Variants in PLBD2 observed in about 807,000 individuals in gnomAD.
The protein encoded by PLBD2 is putative aminopeptidase PLBD2.
In PLBD2, 51 loss-of-function variants were observed where a neutral mutation model predicts 68.3. The ratio of observed to expected loss-of-function variants is 0.75; its 90% CI spans 0.60 to 0.94. The LOEUF (loss-of-function observed/expected upper bound fraction) is 0.94. PLBD2 is among the 40% of genes least tolerant of loss of function. The pLI, the probability that PLBD2 is intolerant of heterozygous loss-of-function variation, is 0.00. For synonymous variants in PLBD2, 314 were observed against 339.3 expected, an observed-to-expected ratio of 0.93 and a Z score of 0.82; for missense variants, 729 against 792.2, an observed-to-expected ratio of 0.92 and a Z score of 0.96.
intron 1 of PLBD2, among the ~76,000 whole-genome samples, chr12:113,364,085 C>G (rs769775486): frequency 6.6e-6 from 1 of 152,194 alleles, no homozygotes; most frequent in Admixed American, 6.5e-5. Flanking sequence ...CGGGAAGGCC[C>G]GTCTTTTCTG....
chr12:113,384,183 T>A lies in PLBD2; in HGVS notation c.1036T>A (p.Trp346Arg), dbSNP rs1179428755. The A allele has an allele frequency of 6.2e-7, 1 of 1,613,276 alleles. No homozygotes were observed. The highest frequency in any genetic ancestry group is 8.5e-7 in the Non-Finnish European group (1 of 1,179,728). Residue 346 changes from tryptophan to arginine, a missense_variant, in exon 7 of 12, where the codon TGG becomes AGG. By Grantham distance (101) the Trp-to-Arg change is moderately radical (BLOSUM62 -3). Coordinates refer to ENST00000280800, the MANE Select transcript of PLBD2 (RefSeq NM_173542.4). The surrounding 1 kb of genome is among the most constrained non-coding windows in gnomAD (Gnocchi z 4.2). ...GCGGCCCAGGGGCTGTGTGCTGGAG[T>A]GGGTACGCAACATCGTGGCCAACCG... is the stretch of plus-strand genomic sequence containing the variant. ...YVRPRGCVLE[W>R]VRNIVANRLA...
intron 2 of PLBD2, among the ~76,000 whole-genome samples, chr12:113,371,720 A>T (rs1315691239): frequency 6.6e-6 from 1 of 152,236 alleles, no homozygotes; most frequent in Non-Finnish European, 1.5e-5. Context: ...CCCTGAGGGA[A>T]GCATGTGCAC....
In PLBD2 at chr12:113,372,633, A is replaced by AC; in HGVS notation, c.385-11dup. 1.9e-6 allele frequency: 3 copies of AC among 1,538,994 alleles called. No individual in the cohort carries two copies. The highest frequency in any genetic ancestry group is 2.7e-6 in the Non-Finnish European group (3 of 1,128,874). On this transcript the variant is annotated splice_polypyrimidine_tract_variant and intron_variant, in intron 2 of 11. Transcript: ENST00000280800. This position sits in a 1 kb window ranked among gnomAD's most constrained non-coding sequence, Gnocchi z 4.2. ...CCAGCTGCCCGCCCTTGCCTCGCCC[A>AC]CCCCCTACCCCACAGCTCATCTACA... is the stretch of plus-strand genomic sequence containing the variant.
Position 113,375,186 on chromosome 12 carries a change from C to T in PLBD2, c.859+179C>T, listed in dbSNP as rs144175549. ...TTTGAGTTGGGGTCTTGCTCTGTTG[C>T]CCAGGCTGGAGTACAGTGGCACAGT... On this transcript the variant is annotated intron_variant, in intron 5 of 11. Coordinates refer to ENST00000280800, the MANE Select transcript of PLBD2 (RefSeq NM_173542.4). 1,359 of 629,792 alleles carry T rather than the reference C, an allele frequency of 2.2e-3. 4 individuals are homozygous for T. Among genetic ancestry groups the T allele is most frequent in the Non-Finnish European group, 3.3e-3 (1,187 of 363,174 alleles). The allele number at this position is 629,792 out of a possible 1,614,324, so 39.0% of individuals were successfully genotyped here.
chr12:113,385,035 A>C (rs1565864944), intron 8 of PLBD2, 89 bp downstream of exon 8: 1 of 1,393,340 alleles, frequency 7.2e-7, no homozygotes, highest in Non-Finnish European at 1.0e-6. Flanking sequence ...CTGTGCAGGA[A>C]GTGAACGATC....
Position 113,384,109 on chromosome 12 carries a change from C to A in PLBD2, c.962C>A (p.Thr321Lys). The change falls in exon 7 of 12, where the codon ACA becomes AAA. Residue 321 changes from threonine (T) to lysine (K), a missense_variant. Transcript: ENST00000280800. The surrounding 1 kb of genome is among the most constrained non-coding windows in gnomAD (Gnocchi z 4.2). ...DFYILGSGLV[T>K]LETTIGNKNP... is the part of the protein sequence containing the mutation. ...GCCCCCTTGACCTTCCCACAGGTGA[C>A]ACTGGAGACCACCATTGGCAACAAG... 6.2e-7 allele frequency: 1 copy of A among 1,606,634 alleles called. No homozygotes were observed. The highest frequency in any genetic ancestry group is 8.5e-7 in the Non-Finnish European group (1 of 1,175,458).
At position 113,388,557 on chromosome 12, in the gene PLBD2, C is replaced by T. The variant is rs148130303; in HGVS notation, c.1701C>T (p.Phe567=). 1.1e-5 allele frequency: 18 copies of T among 1,611,344 alleles called. No homozygotes were observed. In the African/African-American group the frequency reaches 1.5e-4, roughly 13 times the overall value. ...CGTTCCAGTGGAGCACCTCGCCCTT[C>T]AGCGGCCTGCTGCACATGGGCCAGC... ...VPPFQWSTSP[F]SGLLHMGQPD... is the part of the protein sequence containing the mutation. Residue 567 remains phenylalanine (F), a synonymous_variant, in exon 12 of 12, where the codon TTC becomes TTT. Transcript: ENST00000280800.
chr12:113,387,045 C>T lies in PLBD2; in HGVS notation c.1395C>T (p.Asn465=). 1 of 1,611,106 alleles carries T rather than the reference C, an allele frequency of 6.2e-7. No homozygotes were observed. The highest frequency in any genetic ancestry group is 8.5e-7 in the Non-Finnish European group (1 of 1,178,758). ...GSPRAQIFRR[N]QSLVQDMDSM... is the part of the protein sequence containing the mutation. Reference sequence around the variant, plus strand: ...CCCGGGCCCAGATCTTCCGGCGGAACCAGTCACTGGTACAAGACATGGACT... The same window carrying T: ...CCCGGGCCCAGATCTTCCGGCGGAATCAGTCACTGGTACAAGACATGGACT... The change falls in exon 10 of 12, where the codon AAC becomes AAT. Residue 465 remains asparagine, a synonymous_variant. Transcript: ENST00000280800.
At chr12:113,374,017 T>A (rs1318526489) in intron 3 of PLBD2, among the ~76,000 whole-genome samples, 1 of 152,098 alleles carries the variant, frequency 6.6e-6, no homozygotes, top group East Asian at 1.9e-4. Context: ...CCAGTGTGCC[T>A]GCCCAAGGCC....
At chr12:113,363,651 C>T (rs745383098) in intron 1 of PLBD2, among the ~76,000 whole-genome samples, 4 of 151,238 alleles carry the variant, frequency 2.6e-5, no homozygotes, top group Non-Finnish European at 5.9e-5. Context: ...CATTCTCCTG[C>T]CTCAGCCTCC....
chr12:113,369,463 A>T (rs1593281577), intron 2 of PLBD2, among the ~76,000 whole-genome samples: 1 of 152,220 alleles, frequency 6.6e-6, no homozygotes, highest in South Asian at 2.1e-4. Flanking sequence ...GCAAAATAGT[A>T]TGTTGTTCAG....
intron 1 of PLBD2, among the ~76,000 whole-genome samples, chr12:113,360,026 C>G (rs746446380): frequency 3.3e-5 from 5 of 152,210 alleles, no homozygotes; most frequent in Admixed American, 6.5e-5. Context: ...GGCCTCCTCC[C>G]ACTTTAGCCC....
At chr12:113,382,921 G>C (rs1957510249) in intron 6 of PLBD2, among the ~76,000 whole-genome samples, 1 of 145,460 alleles carries the variant, frequency 6.9e-6, no homozygotes, top group South Asian at 2.2e-4. Flanking sequence ...GCCCAGGCTG[G>C]AGTGCAGTGG....
At chr12:113,360,941 A>T (rs1957287335) in intron 1 of PLBD2, among the ~76,000 whole-genome samples, 1 of 152,048 alleles carries the variant, frequency 6.6e-6, no homozygotes, top group Admixed American at 6.5e-5. Flanking sequence ...ACCCTCTCTC[A>T]TCCCCTCCTC....
At chr12:113,388,350 G>T in intron 11 of PLBD2, 109 bp from the exon 12 acceptor site, 4 of 1,053,114 alleles carry the variant, frequency 3.8e-6, no homozygotes, top group Non-Finnish European at 5.2e-6. Flanking sequence ...AAAAAAAAAA[G>T]TGACAGTTCA....
intron 5 of PLBD2, chr12:113,377,071 A>C (rs896321146): frequency 1.3e-5 from 2 of 152,188 alleles, no homozygotes; most frequent in African/African-American, 4.8e-5. Flanking sequence ...GCATCTAATA[A>C]AATTCAAAAT....
intron 5 of PLBD2, 115 bp downstream of exon 5, chr12:113,375,122 G>A: frequency 1.1e-6 from 1 of 939,316 alleles, no homozygotes; most frequent in Non-Finnish European, 1.6e-6. Flanking sequence ...GTCACTGCAG[G>A]GATATTCCAA....
rs971984241 is a variant in PLBD2 at position 113,385,373 on chromosome 12, C to A, written c.1286+90C>A. 37 of 1,266,928 alleles carry A rather than the reference C, an allele frequency of 2.9e-5. No homozygotes were observed. In the Admixed American group the frequency reaches 4.0e-4, roughly 14 times the overall value. 78.5% of individuals were successfully genotyped at this position (1,266,928 alleles called of 1,614,324 possible). A position where few individuals can be genotyped will look rare whatever the true frequency, so the allele number is the denominator to read the frequency against. On this transcript the variant is annotated intron_variant, in intron 9 of 11. Coordinates refer to ENST00000280800, the MANE Select transcript of PLBD2 (RefSeq NM_173542.4). ...TCCTTCCTAGGCAATGTTTTTAAAC[C>A]CACAGAACAAAGAATCCCAGCCTAC...
In PLBD2 at chr12:113,385,264, T is replaced by C. The variant is rs760703109; in HGVS notation, c.1267T>C (p.Trp423Arg). ...KTSELYQKTY[W>R]ASYNIPSFET... ...CTCGGAGCTCTACCAGAAGACCTAC[T>C]GGGCCAGCTACAACATACCGTGCGT... The change falls in exon 9 of 12, where the codon TGG becomes CGG. Residue 423 changes from tryptophan (W) to arginine (R), a missense_variant. Physicochemically the swap from Trp to Arg is moderately radical, Grantham distance 101. Transcript: ENST00000280800. 8.1e-6 allele frequency: 13 copies of C among 1,614,158 alleles called. No individual in the cohort carries two copies. Among genetic ancestry groups the C allele is most frequent in the Non-Finnish European group, 1.1e-5 (13 of 1,180,002 alleles).
Sources: gnomAD v4.1 joint callset for allele counts (sites outside exome capture counted in the v4.1 genomes callset) on GRCh38, gnomAD v4.1.1 for gene constraint, Gnocchi (gnomAD v3.1) non-coding constraint, MANE v1.5 for transcripts, NCBI Gene and HGNC (gene_info 2026-07-23, HGNC 2026-07-21) for gene names.